The following HACL1 variants were observed in gnomAD, a reference collection of about 807,000 sequenced individuals.
HACL1 encodes 2-hydroxyacyl-CoA lyase 1, also known as 1600020H07Rik.
In HACL1, 64 loss-of-function variants were observed where a neutral mutation model predicts 74.2. That is an observed-to-expected ratio of 0.86 (90% CI 0.70 to 1.06). The LOEUF (loss-of-function observed/expected upper bound fraction) is 1.06. Ranked by LOEUF, HACL1 falls within the 50% of genes least tolerant of loss-of-function variation. The pLI is 0.00. For synonymous variants in HACL1, 230 were observed against 238.8 expected (o/e 0.96, Z 0.34); for missense variants, 728 against 719.7 (o/e 1.01, Z -0.13).
At position 15,589,302 on chromosome 3, in the gene HACL1, G is replaced by A. The variant is rs149606207; in HGVS notation, c.381+238C>T. 2.6e-3 allele frequency among the ~76,000 whole-genome samples: 400 copies of A among 152,102 alleles called. 1 individual carries two copies. Among genetic ancestry groups the A allele is most frequent in the Middle Eastern group, 0.01 (3 of 292 alleles). On this transcript the variant is annotated intron_variant, in intron 5 of 16. Transcript: ENST00000321169. The stretch of plus-strand genomic sequence containing the variant: ...GCTTGAGCTCAAGAGTTCAAGACCA[G>A]CCTGGGCAACATGGTGAAACCTCGT...
At chr3:15,598,047 G>A (rs902158520) in intron 2 of HACL1, among the ~76,000 whole-genome samples, 9 of 149,634 alleles carry the variant, frequency 6.0e-5, no homozygotes, top group Non-Finnish European at 1.2e-4. Context: ...ACAGAGTTTC[G>A]GAGTTTCGCT....
intron 6 of HACL1, among the ~76,000 whole-genome samples, chr3:15,585,768 G>A (rs1292285686): frequency 6.6e-6 from 1 of 152,112 alleles, no homozygotes; most frequent in African/African-American, 2.4e-5. Flanking sequence ...GTAATTTCAC[G>A]TATAAATGCT....
At chr3:15,594,241 C>G (rs1327221995) in intron 3 of HACL1, among the ~76,000 whole-genome samples, 1 of 152,008 alleles carries the variant, frequency 6.6e-6, no homozygotes, top group Non-Finnish European at 1.5e-5. Flanking sequence ...AACCCTGTCT[C>G]TAAAAAATAT....
At chr3:15,599,986 A>T (rs2064158812) in intron 2 of HACL1, among the ~76,000 whole-genome samples, 1 of 152,274 alleles carries the variant, frequency 6.6e-6, no homozygotes, top group African/African-American at 2.4e-5. Flanking sequence ...TTGTTCTAAC[A>T]AAGACAAGTA....
intron 4 of HACL1, 47 bp from the exon 5 acceptor site, chr3:15,589,659 A>C: frequency 9.1e-7 from 1 of 1,093,146 alleles, no homozygotes; most frequent in Non-Finnish European, 1.4e-6. Flanking sequence ...TTAGATCATC[A>C]TGTAAAACAC....
At chr3:15,585,147 G>T in intron 7 of HACL1, 101 bp downstream of exon 7, 1 of 621,962 alleles carries the variant, frequency 1.6e-6, no homozygotes, top group Non-Finnish European at 2.9e-6. Context: ...AAGACAAATG[G>T]AAATTAACTT....
chr3:15,577,893 T>C (rs1003565841), intron 9 of HACL1, among the ~76,000 whole-genome samples: 3 of 151,812 alleles, frequency 2.0e-5, no homozygotes, highest in Admixed American at 2.0e-4. Context: ...AATCAGGAGA[T>C]GGAGACCATC....
intron 3 of HACL1, among the ~76,000 whole-genome samples, chr3:15,593,122 C>T (rs80315969): frequency 3.6e-5 from 5 of 137,922 alleles, no homozygotes; most frequent in East Asian, 2.4e-4. Context: ...TATATACACA[C>T]ACATACGTAT....
chr3:15,601,327 T>G (rs895934841), intron 1 of HACL1, 56 bp downstream of exon 1: 1 of 1,609,366 alleles, frequency 6.2e-7, no homozygotes, highest in African/African-American at 1.3e-5. Context: ...CAAGACAACA[T>G]CGCGGTCCCC....
At chr3:15,591,965 G>C (rs2063908486) in intron 3 of HACL1, among the ~76,000 whole-genome samples, 3 of 147,234 alleles carry the variant, frequency 2.0e-5, no homozygotes, top group Non-Finnish European at 3.0e-5. Flanking sequence ...TATATACATA[G>C]TGTATATATA....
intron 12 of HACL1, among the ~76,000 whole-genome samples, chr3:15,570,153 G>A (rs1218986404): frequency 1.3e-5 from 2 of 152,004 alleles, no homozygotes; most frequent in African/African-American, 4.8e-5. Flanking sequence ...TGGCCAACAT[G>A]GTGAAACTCC....
intron 2 of HACL1, among the ~76,000 whole-genome samples, chr3:15,599,777 C>T (rs2064149808): frequency 1.3e-5 from 2 of 152,238 alleles, no homozygotes; most frequent in African/African-American, 4.8e-5. Flanking sequence ...AAGATCAAGA[C>T]TAAACCTCAC....
intron 3 of HACL1, among the ~76,000 whole-genome samples, chr3:15,591,912 A>C (rs991011914): frequency 1.3e-5 from 2 of 150,510 alleles, no homozygotes; most frequent in African/African-American, 4.9e-5. Flanking sequence ...CTATATATGT[A>C]TATAGTGTAT....
At position 15,592,494 on chromosome 3, in the gene HACL1, A is replaced by ACG. The variant is rs1491534674; in HGVS notation, c.228-815_228-814insCG. ...CACACGTATACATACACTTGTATAC[A>ACG]TATACACTTGTATATACACTTGTAT... On this transcript the variant is annotated intron_variant, in intron 3 of 16. Coordinates refer to ENST00000321169, the MANE Select transcript of HACL1 (RefSeq NM_012260.4). Among the ~76,000 whole-genome samples, 49 of 140,698 alleles carry ACG rather than the reference A, an allele frequency of 3.5e-4. 3 individuals are homozygous for ACG. The highest frequency in any genetic ancestry group is 1.1e-3 in the African/African-American group (36 of 32,442). The allele number at this position is 140,698 out of a possible 152,430, so 92.3% of individuals were successfully genotyped here.
rs371310973 is a variant in HACL1 at position 15,601,076 on chromosome 3, G to T, written c.186+14C>A. 2 of 1,529,882 alleles carry T rather than the reference G, an allele frequency of 1.3e-6. No individual in the cohort carries two copies. The highest frequency in any genetic ancestry group is 1.4e-5 in the African/African-American group (1 of 73,314). 94.8% of individuals were successfully genotyped at this position (1,529,882 alleles called of 1,614,324 possible). On this transcript the variant is annotated intron_variant, in intron 2 of 16. Transcript: ENST00000321169. The stretch of plus-strand genomic sequence containing the variant: ...TTCCCAGTAACGCATTCAGCCACCT[G>T]AGTCCATACTCACCGCTTGCTCATT...
Position 15,570,667 on chromosome 3 carries a change from G to A in HACL1, c.1095+1001C>T, listed in dbSNP as rs182233578. Among the ~76,000 whole-genome samples, 11 of 151,170 alleles carry A rather than the reference G, an allele frequency of 7.3e-5. No individual in the cohort carries two copies. The East Asian group carries it at 2.0e-3, about 27-fold the overall frequency. On this transcript the variant is annotated intron_variant, in intron 12 of 16. Coordinates refer to ENST00000321169, the MANE Select transcript of HACL1 (RefSeq NM_012260.4). Reference sequence around the variant, plus strand: ...ACACACACACACTTTACTAGAAATCGCCAAATCCTGCAGCACTGACTCATT... The same window carrying A: ...ACACACACACACTTTACTAGAAATCACCAAATCCTGCAGCACTGACTCATT...
intron 5 of HACL1, among the ~76,000 whole-genome samples, chr3:15,587,751 C>A (rs2063819295): frequency 6.6e-6 from 1 of 152,078 alleles, no homozygotes; most frequent in Non-Finnish European, 1.5e-5. Context: ...AACTTCGATT[C>A]CCTTCTAAGA....
chr3:15,568,963 T>C (rs555069152), intron 12 of HACL1, among the ~76,000 whole-genome samples: 3 of 152,368 alleles, frequency 2.0e-5, no homozygotes, highest in East Asian at 1.9e-4. Flanking sequence ...TTAGAAAAAG[T>C]GAAATTTATT....
intron 9 of HACL1, 24 bp downstream of exon 9, chr3:15,579,886 T>C: frequency 1.3e-6 from 2 of 1,518,330 alleles, no homozygotes; most frequent in South Asian, 2.5e-5. Context: ...AGCCATTGTA[T>C]TTAAAATCTG....
Sources: allele counts gnomAD v4.1 joint callset (sites outside exome capture counted in the v4.1 genomes callset), GRCh38; gene constraint gnomAD v4.1.1; transcripts MANE v1.5; gene names NCBI Gene and HGNC (gene_info 2026-07-23, HGNC 2026-07-21).